The following NALF1 variants were observed in gnomAD, a reference collection of about 807,000 sequenced individuals.
NALF1 encodes NALCN channel auxiliary factor 1.
A neutral mutation model predicts 48.4 loss-of-function variants in NALF1; 3 were observed. That is an observed-to-expected ratio of 0.06 (90% CI 0.03 to 0.16). The LOEUF (loss-of-function observed/expected upper bound fraction) is 0.16, where lower values mean the gene tolerates loss of function less well. Among genes scored for constraint, NALF1 ranks in the 10% least tolerant of loss-of-function variants. NALF1 has a pLI of 1.00. For missense variants in NALF1, 526 were observed against 571.5 expected (o/e 0.92, Z 0.81); for synonymous variants, 262 against 245.7 (o/e 1.07, Z -0.62).
At chr13:107,766,024 T>C (rs1250354339) in intron 1 of NALF1, among the ~76,000 whole-genome samples, 1 of 152,008 alleles carries the variant, frequency 6.6e-6, no homozygotes, top group East Asian at 1.9e-4. Flanking sequence ...CACGTAAAAA[T>C]AATAACCATA....
chr13:107,251,549 G>A (rs1030063818), intron 1 of NALF1, among the ~76,000 whole-genome samples: 1 of 152,194 alleles, frequency 6.6e-6, no homozygotes, highest in African/African-American at 2.4e-5. Flanking sequence ...CCCACAGGCT[G>A]AAGCCTCGGA....
chr13:107,317,299 A>T (rs1201554233), intron 1 of NALF1, among the ~76,000 whole-genome samples: 3 of 152,094 alleles, frequency 2.0e-5, no homozygotes, highest in African/African-American at 7.2e-5. Flanking sequence ...ATACATTTTA[A>T]TACACGTTTA....
At chr13:107,777,599 C>T (rs1877774861) in intron 1 of NALF1, among the ~76,000 whole-genome samples, 1 of 152,202 alleles carries the variant, frequency 6.6e-6, no homozygotes, top group South Asian at 2.1e-4. Context: ...AAAGTGCCTG[C>T]TCCAGCTTCT....
chr13:107,551,493 T>C (rs1877292242), intron 1 of NALF1, among the ~76,000 whole-genome samples: 1 of 152,166 alleles, frequency 6.6e-6, no homozygotes. Flanking sequence ...TTCATAAATG[T>C]GAAGGCAATT....
intron 1 of NALF1, among the ~76,000 whole-genome samples, chr13:107,328,556 A>C (rs1450254166): frequency 6.6e-6 from 1 of 152,200 alleles, no homozygotes; most frequent in East Asian, 1.9e-4. Flanking sequence ...TGGCCTTGAC[A>C]AACCTTTGGT....
At chr13:107,594,753 CTAAAG>C (rs1210329774) in intron 1 of NALF1, among the ~76,000 whole-genome samples, 1 of 151,880 alleles carries the variant, frequency 6.6e-6, no homozygotes, top group Admixed American at 6.6e-5. Context: ...AGTGAGAAAA[CTAAAG>C]TAAATTAATA....
intron 1 of NALF1, among the ~76,000 whole-genome samples, chr13:107,612,961 G>A (rs1291234888): frequency 6.6e-6 from 1 of 151,508 alleles, no homozygotes; most frequent in African/African-American, 2.4e-5. Context: ...GAACAGAGAG[G>A]GCAAATTTAT....
chr13:107,478,571 G>A (rs2491582), intron 1 of NALF1, among the ~76,000 whole-genome samples: 95,575 of 151,902 alleles, frequency 0.63, 31,005 homozygotes, highest in Middle Eastern at 0.78. Flanking sequence ...TTCATAGTAC[G>A]GATTTTTCGG....
chr13:107,730,959 C>G (rs1876293213), intron 1 of NALF1, among the ~76,000 whole-genome samples: 1 of 152,158 alleles, frequency 6.6e-6, no homozygotes, highest in African/African-American at 2.4e-5. Flanking sequence ...ATAAAGTGCT[C>G]AGCATTACAC....
At chr13:107,737,412 GATATTCTC>G (rs1280112277) in intron 1 of NALF1, among the ~76,000 whole-genome samples, 1 of 152,142 alleles carries the variant, frequency 6.6e-6, no homozygotes, top group African/African-American at 2.4e-5. Context: ...AATGGCATCA[GATATTCTC>G]ACTTGAAAAC....
intron 1 of NALF1, among the ~76,000 whole-genome samples, chr13:107,752,846 T>C (rs1293869912): frequency 6.6e-6 from 1 of 152,208 alleles, no homozygotes; most frequent in Non-Finnish European, 1.5e-5. Context: ...AACCTGTTTG[T>C]GCTTTTCTAA....
chr13:107,403,516 T>C (rs527629742), intron 1 of NALF1, among the ~76,000 whole-genome samples: 6 of 152,082 alleles, frequency 3.9e-5, no homozygotes, highest in Non-Finnish European at 8.8e-5. Context: ...TTAAAGTACA[T>C]AATTCAACAT....
intron 1 of NALF1, among the ~76,000 whole-genome samples, chr13:107,441,407 C>T (rs1172895180): frequency 6.6e-6 from 1 of 152,130 alleles, no homozygotes; most frequent in Non-Finnish European, 1.5e-5. Flanking sequence ...AGCAAATGGC[C>T]TATTCTAGGC....
intron 1 of NALF1, among the ~76,000 whole-genome samples, chr13:107,467,432 T>A (rs892539429): frequency 6.6e-6 from 1 of 151,586 alleles, no homozygotes; most frequent in Non-Finnish European, 1.5e-5. Flanking sequence ...TTACCACTAC[T>A]CCACATTCTT....
chr13:107,284,553 C>G (rs372969415), intron 1 of NALF1, among the ~76,000 whole-genome samples: 1 of 132,730 alleles, frequency 7.5e-6, no homozygotes, highest in African/African-American at 2.4e-5. Flanking sequence ...AATGTAACTG[C>G]TATGGACTGA....
At chr13:107,756,119 G>T (rs1036308900) in intron 1 of NALF1, among the ~76,000 whole-genome samples, 2 of 152,048 alleles carry the variant, frequency 1.3e-5, no homozygotes, top group African/African-American at 2.4e-5. Flanking sequence ...TCTCCATCTG[G>T]CAGGGAAGAG....
chr13:107,517,456 C>T (rs1230839982), intron 1 of NALF1, among the ~76,000 whole-genome samples: 2 of 151,700 alleles, frequency 1.3e-5, no homozygotes, highest in African/African-American at 4.8e-5. Context: ...TGGTGAAACC[C>T]CGTCTCTGCA....
At chr13:107,431,947 C>T (rs1319360773) in intron 1 of NALF1, among the ~76,000 whole-genome samples, 1 of 152,122 alleles carries the variant, frequency 6.6e-6, no homozygotes, top group African/African-American at 2.4e-5. Context: ...CACTTCATTG[C>T]ACCTTTTTAT....
At chr13:107,300,258 T>C (rs1225320686) in intron 1 of NALF1, among the ~76,000 whole-genome samples, 4 of 152,238 alleles carry the variant, frequency 2.6e-5, no homozygotes, top group Non-Finnish European at 5.9e-5. Flanking sequence ...TTATTCCAGC[T>C]ACCGTCCTGT....
Sources: gnomAD v4.1 joint callset for allele counts (sites outside exome capture counted in the v4.1 genomes callset) on GRCh38, gnomAD v4.1.1 for gene constraint, MANE v1.5 for transcripts, NCBI Gene and HGNC (gene_info 2026-07-23, HGNC 2026-07-21) for gene names.